FBLN2: variants seen among roughly 807,000 people sequenced by gnomAD.
FBLN2 encodes the protein fibulin 2, also known as fibulin-2.
FBLN2 carries 81 observed loss-of-function variants against 123.7 expected under a neutral mutation model. The observed-to-expected ratio is 0.65, with a 90% CI of 0.55 to 0.79. The LOEUF is 0.79. Ranked by LOEUF, FBLN2 falls within the 30% of genes least tolerant of loss-of-function variation. The pLI is 0.00. For missense variants in FBLN2, 1,603 were observed against 1,681.3 expected, an observed-to-expected ratio of 0.95 and a Z score of 0.81; for synonymous variants, 699 against 701.4, an observed-to-expected ratio of 1.00 and a Z score of 0.05.
intron 2 of FBLN2, among the ~76,000 whole-genome samples, chr3:13,579,660 C>T (rs1409387714): frequency 2.6e-5 from 4 of 152,244 alleles, no homozygotes; most frequent in African/African-American, 9.7e-5. Context: ...TGCCCCACAG[C>T]ATGCAAACCC....
At position 13,630,750 on chromosome 3, in the gene FBLN2, A is replaced by G. The variant is rs1265210245; in HGVS notation, c.3020A>G (p.Tyr1007Cys). ...TGCAGCCAGGAGTGTGCCAACATCT[A>G]TGGCTCCTACCAGTGCTACTGCCGC... is the stretch of plus-strand genomic sequence containing the variant. The part of the protein sequence containing the change: ...QRCSQECANI[Y>C]GSYQCYCRQG... The change falls in exon 15 of 18, where the codon TAT (tyrosine) becomes TGT (cysteine). Residue 1007 changes from tyrosine to cysteine, a missense_variant. Physicochemically the swap from Tyr to Cys is radical, Grantham distance 194. Coordinates refer to ENST00000404922, the MANE Select transcript of FBLN2 (RefSeq NM_001004019.2). 1 of 1,610,314 alleles carries G rather than the reference A, an allele frequency of 6.2e-7. No homozygotes were observed. The highest frequency in any genetic ancestry group is 1.3e-5 in the African/African-American group (1 of 74,848).
intron 16 of FBLN2, among the ~76,000 whole-genome samples, chr3:13,632,243 T>G (rs1429031443): frequency 6.6e-6 from 1 of 152,230 alleles, no homozygotes; most frequent in Non-Finnish European, 1.5e-5. Flanking sequence ...CTCAGCCCCA[T>G]GGCCTCTTGG....
In FBLN2 at chr3:13,595,973, T is replaced by C. The variant is rs1033644007; in HGVS notation, c.1307-12089T>C. 1.9e-4 allele frequency among the ~76,000 whole-genome samples: 29 copies of C among 152,220 alleles called. 1 individual carries two copies. Among genetic ancestry groups the C allele is most frequent in the Admixed American group, 2.0e-4 (3 of 15,286 alleles). ...TGGGTATCCTTCCAGAAATAATCCA[T>C]GCATATCCATGTATCTTTTTAGGAA... On this transcript the variant is annotated intron_variant, in intron 2 of 17. Coordinates refer to ENST00000404922, the MANE Select transcript of FBLN2 (RefSeq NM_001004019.2).
At chr3:13,617,279 CT>C in intron 5 of FBLN2, among the ~76,000 whole-genome samples, 1 of 151,826 alleles carries the variant, frequency 6.6e-6, no homozygotes, top group Non-Finnish European at 1.5e-5. Flanking sequence ...CTCATCCACT[CT>C]TTCATCTACC....
At position 13,621,909 on chromosome 3, in the gene FBLN2, T is replaced by TG. The variant is rs748345399; in HGVS notation, c.2291dup (p.Cys764TrpfsTer36). Reference sequence around the variant, plus strand: ...CTATATCCTCAATGCGCACAGGAAGTGCGTGGGTAAGCCAGGGCCCCGCCT... The same window carrying TG: ...CTATATCCTCAATGCGCACAGGAAGTGGCGTGGGTAAGCCAGGGCCCCGCCT... On this transcript the variant is annotated frameshift_variant, in exon 9 of 18. Transcript: ENST00000404922. LOFTEE classifies it high-confidence loss of function. 2.2e-5 allele frequency: 36 copies of TG among 1,612,434 alleles called. No homozygotes were observed. The highest frequency in any genetic ancestry group is 2.7e-5 in the Non-Finnish European group (32 of 1,179,314).
intron 9 of FBLN2, among the ~76,000 whole-genome samples, chr3:13,622,638 C>T (rs909167007): frequency 6.6e-6 from 1 of 152,246 alleles, no homozygotes; most frequent in Non-Finnish European, 1.5e-5. Context: ...GCACATCGCC[C>T]GGGTTGGTGC....
chr3:13,571,145 G>A lies in FBLN2; in HGVS notation c.790G>A (p.Ala264Thr). ...PTAAAALGPP[A>T]PVQAKARRVT... is the part of the protein sequence containing the mutation. ...AGCGGCTGCTGCCCTGGGTCCCCCAGCCCCAGTGCAGGCCAAAGCTAGGAG... is the reference window on the plus strand; with the variant it reads ...AGCGGCTGCTGCCCTGGGTCCCCCAACCCCAGTGCAGGCCAAAGCTAGGAG... Residue 264 changes from alanine to threonine, a missense_variant, in exon 2 of 18, where the codon GCC becomes ACC. By Grantham distance (58) the Ala-to-Thr change is moderately conservative. Coordinates refer to ENST00000404922, the MANE Select transcript of FBLN2 (RefSeq NM_001004019.2). The A allele has an allele frequency of 6.4e-7, 1 of 1,555,242 alleles. No individual in the cohort carries two copies. The highest frequency in any genetic ancestry group is 8.7e-7 in the Non-Finnish European group (1 of 1,150,206).
chr3:13,577,121 G>T (rs1161010282), intron 2 of FBLN2, among the ~76,000 whole-genome samples: 1 of 151,924 alleles, frequency 6.6e-6, no homozygotes, highest in African/African-American at 2.4e-5. Flanking sequence ...TACTCAGGAG[G>T]CTGAGGCAGG....
chr3:13,576,433 G>A (rs1202990573), intron 2 of FBLN2, among the ~76,000 whole-genome samples: 2 of 152,244 alleles, frequency 1.3e-5, no homozygotes, highest in Non-Finnish European at 2.9e-5. Context: ...GATGAAGGCT[G>A]TAGAGTAAAT....
chr3:13,624,865 G>A (rs1332150091), intron 9 of FBLN2, among the ~76,000 whole-genome samples: 1 of 152,298 alleles, frequency 6.6e-6, no homozygotes, highest in Non-Finnish European at 1.5e-5. Flanking sequence ...GCAGCACCAG[G>A]AGGGGGTAGA....
chr3:13,630,822 C>T lies in FBLN2; in HGVS notation c.3085+7C>T, dbSNP rs747809832. On this transcript the variant is annotated splice_region_variant and intron_variant, in intron 15 of 17. Transcript: ENST00000404922. ...GATGGGCACACCTGCACAGGTACCT[C>T]TCCCCTGTCCAAGGGCCCCCTTCCA... 1.0e-5 allele frequency: 16 copies of T among 1,582,870 alleles called. No homozygotes were observed. Among genetic ancestry groups the T allele is most frequent in the East Asian group, 9.2e-5 (4 of 43,534 alleles).
At chr3:13,604,244 C>T (rs1574975637) in intron 2 of FBLN2, among the ~76,000 whole-genome samples, 1 of 152,162 alleles carries the variant, frequency 6.6e-6, no homozygotes, top group South Asian at 2.1e-4. Flanking sequence ...TTAATTAGAT[C>T]CCATTTGTCA....
chr3:13,622,952 G>T (rs1251642952), intron 9 of FBLN2, among the ~76,000 whole-genome samples: 8 of 152,246 alleles, frequency 5.3e-5, no homozygotes, highest in Non-Finnish European at 4.4e-5. Context: ...CTCAAATAAA[G>T]GTATAGAAGT....
chr3:13,590,104 C>T (rs1028187778), intron 2 of FBLN2, among the ~76,000 whole-genome samples: 1 of 152,216 alleles, frequency 6.6e-6, no homozygotes, highest in Non-Finnish European at 1.5e-5. Flanking sequence ...TGCCCTTTCT[C>T]AGTTCTTAAC....
chr3:13,563,974 C>T (rs1014786464), intron 1 of FBLN2, among the ~76,000 whole-genome samples: 1 of 152,220 alleles, frequency 6.6e-6, no homozygotes, highest in African/African-American at 2.4e-5. Flanking sequence ...ACTCAGGAAG[C>T]CCAACGATGC....
At chr3:13,570,217 G>C (rs1703884880) in intron 1 of FBLN2, 98 bp from the exon 2 acceptor site, 1 of 1,320,112 alleles carries the variant, frequency 7.6e-7, no homozygotes, top group African/African-American at 1.5e-5. Context: ...TGCGTGTGAG[G>C]TGGCTGAGGC....
intron 5 of FBLN2, among the ~76,000 whole-genome samples, chr3:13,615,020 CCATG>C (rs943053496): frequency 2.8e-5 from 4 of 144,262 alleles, no homozygotes; most frequent in South Asian, 4.5e-4. Context: ...ATCCATCCAT[CCATG>C]CATCCATCCT....
chr3:13,581,011 C>T (rs112720929), intron 2 of FBLN2, among the ~76,000 whole-genome samples: 109 of 152,298 alleles, frequency 7.2e-4, no homozygotes, highest in African/African-American at 2.6e-3. Context: ...AGCTGGTTAG[C>T]TCTGGCGTGT....
intron 2 of FBLN2, among the ~76,000 whole-genome samples, chr3:13,606,502 G>A (rs1705207755): frequency 6.6e-6 from 1 of 152,188 alleles, no homozygotes; most frequent in African/African-American, 2.4e-5. Flanking sequence ...CAACTCAGGA[G>A]TGAGGGGTGC....
Sources: gnomAD v4.1 joint callset for allele counts (sites outside exome capture counted in the v4.1 genomes callset) on GRCh38, gnomAD v4.1.1 for gene constraint, MANE v1.5 for transcripts, NCBI Gene and HGNC (gene_info 2026-07-23, HGNC 2026-07-21) for gene names.